Variants in PDE11A observed in about 807,000 individuals in gnomAD.
PDE11A encodes the protein dual 3',5'-cyclic-AMP and -GMP phosphodiesterase 11A.
A neutral mutation model predicts 100.5 loss-of-function variants in PDE11A; 100 were observed. The ratio of observed to expected loss-of-function variants is 1.00; its 90% CI spans 0.85 to 1.18. The LOEUF (loss-of-function observed/expected upper bound fraction) is 1.18. Among genes scored for constraint, PDE11A ranks in the 50% most tolerant of loss-of-function variants. The pLI, the probability that PDE11A is intolerant of heterozygous loss-of-function variation, is 0.00. For synonymous variants in PDE11A, 381 were observed against 420.8 expected, an observed-to-expected ratio of 0.91 and a Z score of 1.16; for missense variants, 1,141 against 1,152.6, an observed-to-expected ratio of 0.99 and a Z score of 0.15.
At position 178,096,708 on chromosome 2, in the gene PDE11A, T is replaced by A. The variant is rs1250972096; in HGVS notation, c.162+7594A>T. Among the ~76,000 whole-genome samples the A allele has an allele frequency of 2.0e-5, 3 of 152,356 alleles. No individual in the cohort carries two copies. In the East Asian group the frequency reaches 5.8e-4, roughly 29 times the overall value. On this transcript the variant is annotated intron_variant, in intron 2 of 20. Coordinates refer to the PDE11A transcript ENST00000358450. Reference sequence around the variant, plus strand: ...GTTCCTGATAAGTTCCTCATTTTCATCTGAGACCACCTCAGCCTGAACTTC... The same window carrying A: ...GTTCCTGATAAGTTCCTCATTTTCAACTGAGACCACCTCAGCCTGAACTTC...
At chr2:177,905,431 G>A (rs2084771454) in intron 2 of PDE11A, among the ~76,000 whole-genome samples, 2 of 152,208 alleles carry the variant, frequency 1.3e-5, no homozygotes, top group African/African-American at 4.8e-5. Context: ...GACATAAAGT[G>A]AAGCAACAGA....
intron 17 of PDE11A, among the ~76,000 whole-genome samples, chr2:177,670,175 C>A (rs2080655783): frequency 6.6e-6 from 1 of 152,158 alleles, no homozygotes; most frequent in South Asian, 2.1e-4. Context: ...TACAGTAGGT[C>A]ACGGTATAGT....
chr2:177,866,914 G>C (rs2084038698), intron 5 of PDE11A, among the ~76,000 whole-genome samples: 1 of 152,242 alleles, frequency 6.6e-6, no homozygotes, highest in Non-Finnish European at 1.5e-5. Flanking sequence ...GTCTAAAGCA[G>C]TGTTTTTCAC....
chr2:177,844,036 A>G (rs897407260), intron 5 of PDE11A, among the ~76,000 whole-genome samples: 5 of 152,262 alleles, frequency 3.3e-5, no homozygotes, highest in Admixed American at 6.5e-5. Context: ...AATGTTGCAC[A>G]GGAACATAAA....
chr2:177,996,012 A>G (rs745504666), intron 2 of PDE11A, among the ~76,000 whole-genome samples: 1 of 152,168 alleles, frequency 6.6e-6, no homozygotes, highest in Non-Finnish European at 1.5e-5. Flanking sequence ...GGATTGCCTG[A>G]GGTTAGGAGT....
intron 2 of PDE11A, among the ~76,000 whole-genome samples, chr2:177,942,096 C>A (rs934111701): frequency 6.6e-6 from 1 of 152,208 alleles, no homozygotes; most frequent in Non-Finnish European, 1.5e-5. Context: ...TAAACATGTT[C>A]ATCTACATTA....
chr2:177,775,954 C>G (rs138366339), intron 9 of PDE11A, among the ~76,000 whole-genome samples: 1 of 152,266 alleles, frequency 6.6e-6, no homozygotes, highest in African/African-American at 2.4e-5. Context: ...GAAGGTATAT[C>G]CTATCCCTGG....
At chr2:177,930,814 G>A (rs896531816) in intron 2 of PDE11A, among the ~76,000 whole-genome samples, 16 of 152,180 alleles carry the variant, frequency 1.1e-4, no homozygotes, top group African/African-American at 3.9e-4. Context: ...AACACACCCT[G>A]AATCCCAAAG....
chr2:177,629,587 A>G, intron 19 of PDE11A, 25 bp from the exon 20 acceptor site: 1 of 1,613,036 alleles, frequency 6.2e-7, no homozygotes. Context: ...AACAAAACAC[A>G]GGTGGAGGAG....
chr2:177,904,868 A>T (rs1025394721), intron 3 of PDE11A, among the ~76,000 whole-genome samples: 3 of 152,150 alleles, frequency 2.0e-5, no homozygotes, highest in African/African-American at 7.2e-5. Context: ...TCATTTTTAA[A>T]AGAAGCTTGT....
chr2:178,031,517 AG>A (rs1304835816), intron 1 of PDE11A, among the ~76,000 whole-genome samples: 2 of 152,182 alleles, frequency 1.3e-5, no homozygotes, highest in African/African-American at 2.4e-5. Context: ...GATAAACACA[AG>A]AATTGACTAA....
chr2:178,034,862 C>T (rs150638528), intron 1 of PDE11A, among the ~76,000 whole-genome samples: 1 of 151,590 alleles, frequency 6.6e-6, no homozygotes, highest in Non-Finnish European at 1.5e-5. Context: ...ATCTCTGGGA[C>T]ACATTTAAAG....
intron 1 of PDE11A, among the ~76,000 whole-genome samples, chr2:178,023,222 T>A (rs537001943): frequency 3.3e-5 from 5 of 152,214 alleles, no homozygotes. Flanking sequence ...ACCTTCAAGA[T>A]CCACAAAGGC....
At chr2:177,840,617 CA>C (rs1313742830) in intron 5 of PDE11A, among the ~76,000 whole-genome samples, 5 of 152,116 alleles carry the variant, frequency 3.3e-5, no homozygotes, top group Non-Finnish European at 7.3e-5. Flanking sequence ...CCCTATGATT[CA>C]GAGAGACTCT....
chr2:177,699,436 T>C (rs2081165620), intron 14 of PDE11A, among the ~76,000 whole-genome samples: 1 of 152,258 alleles, frequency 6.6e-6, no homozygotes, highest in African/African-American at 2.4e-5. Context: ...TAATCACTAA[T>C]GCTATTTACA....
chr2:177,956,869 A>T (rs554056849), intron 2 of PDE11A, among the ~76,000 whole-genome samples: 67 of 152,238 alleles, frequency 4.4e-4, no homozygotes, highest in African/African-American at 1.5e-3. Flanking sequence ...ATGAGAACAC[A>T]TGGACACAGG....
intron 2 of PDE11A, among the ~76,000 whole-genome samples, chr2:177,994,908 C>A (rs1574329856): frequency 2.0e-5 from 3 of 151,064 alleles, no homozygotes; most frequent in African/African-American, 7.3e-5. Context: ...AAAAAAAAAA[C>A]CACAGTGTTA....
chr2:177,925,012 G>A (rs2085107620), intron 2 of PDE11A, among the ~76,000 whole-genome samples: 2 of 150,330 alleles, frequency 1.3e-5, no homozygotes, highest in Non-Finnish European at 3.0e-5. Context: ...AGTTTACTGA[G>A]AATGATGATT....
At chr2:177,760,495 T>C (rs1198806065) in intron 10 of PDE11A, among the ~76,000 whole-genome samples, 2 of 152,200 alleles carry the variant, frequency 1.3e-5, no homozygotes, top group Admixed American at 6.5e-5. Context: ...AATTTGAGTA[T>C]GCGAAAATCA....
Sources: allele counts gnomAD v4.1 joint callset (sites outside exome capture counted in the v4.1 genomes callset), GRCh38; gene constraint gnomAD v4.1.1; transcripts MANE v1.5; gene names NCBI Gene and HGNC (gene_info 2026-07-23, HGNC 2026-07-21).